PLEKHG7: variants seen among roughly 807,000 people sequenced by gnomAD.
PLEKHG7 encodes pleckstrin homology domain-containing family G member 7.
In PLEKHG7, 77 loss-of-function variants were observed where a neutral mutation model predicts 85.2. The ratio of observed to expected loss-of-function variants is 0.90; its 90% CI spans 0.75 to 1.09. PLEKHG7 has a LOEUF of 1.09. Ranked by LOEUF, PLEKHG7 falls within the 50% of genes least tolerant of loss-of-function variation. The probability of loss-of-function intolerance (pLI) is 0.00; values close to 1 mark genes in which losing one functional copy is unlikely to be tolerated. For synonymous variants in PLEKHG7, 301 were observed against 302.4 expected (o/e 1.00, Z 0.05); for missense variants, 777 against 804.3 (o/e 0.97, Z 0.41).
rs1448020419 is a variant in PLEKHG7, at chr12:92,737,460, T to C, written c.878T>C (p.Val293Ala). 2 of 1,594,076 alleles carry C rather than the reference T, an allele frequency of 1.3e-6. No individual in the cohort carries two copies. Among genetic ancestry groups the C allele is most frequent in the African/African-American group, 2.7e-5 (2 of 73,548 alleles). ...QLDLKKQQEA[V>A]WELFTSECTY... ...GACCTGAAAAAGCAGCAAGAGGCCG[T>C]GTGGGAACTTTTCACAAGTGAATGC... Residue 293 changes from valine to alanine, a missense_variant, in exon 7 of 17, where the codon GTG becomes GCG. Val to Ala is a moderately conservative substitution (Grantham distance 64). Around this residue, in one of 3 missense-constraint regions of PLEKHG7, gnomAD observed 520 missense variants for 544.0 expected, o/e 0.96. Transcript: ENST00000344636.
chr12:92,732,169 A>G, intron 4 of PLEKHG7, 64 bp from the exon 5 acceptor site: 1 of 1,020,158 alleles, frequency 9.8e-7, no homozygotes, highest in Non-Finnish European at 1.3e-6. Flanking sequence ...GTAAAGCACT[A>G]CGATGATCTG....
At position 92,756,354 on chromosome 12, in the gene PLEKHG7, C is replaced by A. The variant is rs755290285; in HGVS notation, c.1599C>A (p.Ser533Arg). The A allele has an allele frequency of 6.2e-7, 1 of 1,613,134 alleles. No individual in the cohort carries two copies. Among genetic ancestry groups the A allele is most frequent in the African/African-American group, 1.3e-5 (1 of 74,908 alleles). ...HMAENILSPT[S>R]RHLLYEGKLT... ...CAGAAAACATCTTGTCACCAACCAGCAGACACCTTCTCTATGAAGGAAAAT... is the reference window on the plus strand; with the variant it reads ...CAGAAAACATCTTGTCACCAACCAGAAGACACCTTCTCTATGAAGGAAAAT... The change falls in exon 13 of 17, where the codon AGC becomes AGA. Residue 533 changes from serine to arginine, a missense_variant. Ser to Arg is a moderately radical substitution (Grantham distance 110). Transcript: ENST00000344636.
At chr12:92,769,999 A>G in intron 16 of PLEKHG7, 89 bp from the exon 17 acceptor site, 1 of 812,718 alleles carries the variant, frequency 1.2e-6, no homozygotes, top group Non-Finnish European at 2.0e-6. Flanking sequence ...GTCAATAAAT[A>G]TAGCAGAAAA....
At position 92,748,348 on chromosome 12, in the gene PLEKHG7, G is replaced by A. The variant is rs140231350; in HGVS notation, c.1251+2757G>A. Among the ~76,000 whole-genome samples the A allele has an allele frequency of 3.9e-3, 594 of 151,850 alleles. 4 individuals carry two copies. Among genetic ancestry groups the A allele is most frequent in the African/African-American group, 0.014 (576 of 41,420 alleles). On this transcript the variant is annotated intron_variant, in intron 10 of 16. Transcript: ENST00000344636. Reference sequence around the variant, plus strand: ...TGCAACCTCCGTCTCCCAGGTTCAAGCGATTCTTCTGCCTCAGTCTCCAGA... The same window carrying A: ...TGCAACCTCCGTCTCCCAGGTTCAAACGATTCTTCTGCCTCAGTCTCCAGA...
Position 92,706,671 on chromosome 12 carries a change from C to A in PLEKHG7, c.40C>A (p.Gln14Lys). The A allele has an allele frequency of 6.2e-7, 1 of 1,614,078 alleles. No individual in the cohort carries two copies. Among genetic ancestry groups the A allele is most frequent in the Non-Finnish European group, 8.5e-7 (1 of 1,179,980 alleles). ...TESFCPEVPP[Q>K]DCGASPRPSL... ...GTCATTCTGTCCAGAGGTGCCACCC[C>A]AAGACTGTGGAGCCTCTCCTCGGCC... is the stretch of plus-strand genomic sequence containing the variant. The change falls in exon 2 of 17, where the codon CAA (glutamine) becomes AAA (lysine). Residue 14 changes from glutamine (Q) to lysine (K), a missense_variant. By Grantham distance (53) the Gln-to-Lys change is moderately conservative. Around this residue, in one of 3 missense-constraint regions of PLEKHG7, gnomAD observed 252 missense variants for 241.9 expected, o/e 1.04. Coordinates refer to ENST00000344636, the MANE Select transcript of PLEKHG7 (RefSeq NM_001377329.1).
intron 10 of PLEKHG7, among the ~76,000 whole-genome samples, chr12:92,747,367 C>G (rs1859670667): frequency 1.1e-5 from 1 of 93,518 alleles, no homozygotes; most frequent in Non-Finnish European, 2.3e-5. Context: ...ATCATCTTAC[C>G]CCAGTTAAAA....
rs1873024040 is a variant in PLEKHG7 at position 92,761,650 on chromosome 12, GAAAGAAAGAAAGAAAGA to G, written c.1637-99_1637-83del. ...AGAAAGAAAGAAAGAAAGAAAGAAA[GAAAGAAAGAAAGAAAGA>G]AAGAAAGAAAGAAAGAAAGGGAAAG... On this transcript the variant is annotated intron_variant, in intron 13 of 16. Transcript: ENST00000344636. 12 of 1,168,146 alleles carry G rather than the reference GAAAGAAAGAAAGAAAGA, an allele frequency of 1.0e-5. No homozygotes were observed. The South Asian group carries it at 1.0e-4, about 10-fold the overall frequency. 72.4% of individuals were successfully genotyped at this position (1,168,146 alleles called of 1,614,324 possible). A position where few individuals can be genotyped will look rare whatever the true frequency, so the allele number is the denominator to read the frequency against.
chr12:92,724,887 T>C (rs529796755), intron 3 of PLEKHG7, among the ~76,000 whole-genome samples: 28 of 151,974 alleles, frequency 1.8e-4, no homozygotes, highest in Middle Eastern at 3.4e-3. Context: ...AGGGTTTTAA[T>C]AGCAAGAAAA....
chr12:92,738,474 A>G (rs1464671120), intron 7 of PLEKHG7, among the ~76,000 whole-genome samples: 3 of 152,154 alleles, frequency 2.0e-5, no homozygotes, highest in African/African-American at 7.2e-5. Flanking sequence ...AGTCCTTCAT[A>G]CCCTAAACCA....
intron 14 of PLEKHG7, among the ~76,000 whole-genome samples, chr12:92,762,199 T>A (rs1336596577): frequency 6.6e-6 from 1 of 152,214 alleles, no homozygotes; most frequent in Non-Finnish European, 1.5e-5. Context: ...CCTGTTCCTT[T>A]TCTGAATTGG....
chr12:92,709,642 A>G (rs1453295192), intron 3 of PLEKHG7, among the ~76,000 whole-genome samples: 1 of 152,240 alleles, frequency 6.6e-6, no homozygotes, highest in African/African-American at 2.4e-5. Flanking sequence ...AGGCAGATCA[A>G]TGGGATGCAT....
chr12:92,753,315 C>T (rs940708204), intron 10 of PLEKHG7, among the ~76,000 whole-genome samples: 12 of 152,108 alleles, frequency 7.9e-5, no homozygotes, highest in East Asian at 1.9e-4. Flanking sequence ...GAGCCCCTTA[C>T]GTTCAAGGAA....
intron 10 of PLEKHG7, among the ~76,000 whole-genome samples, chr12:92,746,443 G>A (rs1284496936): frequency 6.6e-6 from 1 of 152,224 alleles, no homozygotes; most frequent in Non-Finnish European, 1.5e-5. Context: ...GACGAGAAAA[G>A]GGGAATAATC....
chr12:92,761,948 C>T, intron 14 of PLEKHG7, 117 bp downstream of exon 14: 1 of 1,244,818 alleles, frequency 8.0e-7, no homozygotes, highest in Non-Finnish European at 1.0e-6. Flanking sequence ...ATCTTTTCCT[C>T]TAAAAAATGA....
At chr12:92,767,162 T>A (rs1873226657) in intron 15 of PLEKHG7, among the ~76,000 whole-genome samples, 1 of 152,196 alleles carries the variant, frequency 6.6e-6, no homozygotes, top group South Asian at 2.1e-4. Flanking sequence ...AAAAACATAG[T>A]ATGGTGCCCA....
At chr12:92,738,884 C>T (rs1425925252) in intron 7 of PLEKHG7, among the ~76,000 whole-genome samples, 1 of 152,214 alleles carries the variant, frequency 6.6e-6, no homozygotes, top group Non-Finnish European at 1.5e-5. Context: ...CGCAAAGACA[C>T]TCTAGGAGAA....
chr12:92,767,087 TAA>T (rs768549606), intron 15 of PLEKHG7, among the ~76,000 whole-genome samples: 118 of 152,270 alleles, frequency 7.7e-4, no homozygotes, highest in Admixed American at 3.5e-3. Flanking sequence ...TTGGAAAAAT[TAA>T]TATGTTTCCT....
intron 4 of PLEKHG7, among the ~76,000 whole-genome samples, chr12:92,731,103 A>G (rs1871980725): frequency 6.6e-6 from 1 of 152,240 alleles, no homozygotes; most frequent in African/African-American, 2.4e-5. Flanking sequence ...CTGAATATTT[A>G]CAAAGCTTTC....
At chr12:92,734,550 C>T (rs1872084200) in intron 5 of PLEKHG7, among the ~76,000 whole-genome samples, 1 of 152,182 alleles carries the variant, frequency 6.6e-6, no homozygotes. Context: ...TGAGGACACA[C>T]AGCTCATAAG....
Sources: allele counts gnomAD v4.1 joint callset (sites outside exome capture counted in the v4.1 genomes callset), GRCh38; gene constraint gnomAD v4.1.1; regional missense constraint gnomAD v4.1.1; transcripts MANE v1.5; gene names NCBI Gene and HGNC (gene_info 2026-07-23, HGNC 2026-07-21).